Variants in CYP4F22 observed in about 807,000 individuals in gnomAD.
The protein encoded by CYP4F22 is ultra-long-chain fatty acid omega-hydroxylase.
A neutral mutation model predicts 60.4 loss-of-function variants in CYP4F22; 37 were observed. The ratio of observed to expected loss-of-function variants is 0.61; its 90% CI spans 0.47 to 0.81. The LOEUF is 0.81. Ranked by LOEUF, CYP4F22 falls within the 30% of genes least tolerant of loss-of-function variation. The pLI is 0.00. For synonymous variants in CYP4F22, 258 were observed against 280.5 expected (o/e 0.92, Z 0.80); for missense variants, 655 against 715.0 (o/e 0.92, Z 0.96).
chr19:15,537,619 A>C lies in CYP4F22; in HGVS notation c.506A>C (p.Lys169Thr). 1 of 1,614,068 alleles carries C rather than the reference A, an allele frequency of 6.2e-7. No individual in the cohort carries two copies. Among genetic ancestry groups the C allele is most frequent in the Non-Finnish European group, 8.5e-7 (1 of 1,180,040 alleles). Reference protein sequence around the residue: ...LTPAFHFDILKPYMKIFNQSA... With the variant: ...LTPAFHFDILTPYMKIFNQSA... The stretch of plus-strand genomic sequence containing the variant: ...CCCGCCTTCCACTTTGACATCCTGA[A>C]GCCTTACATGAAGATCTTCAACCAG... Residue 169 changes from lysine to threonine, a missense_variant, in exon 6 of 14, where the codon AAG becomes ACG. By Grantham distance (78) the Lys-to-Thr change is moderately conservative. This residue lies in a region of CYP4F22 where 430 missense variants were observed against 457.1 expected (regional missense o/e 0.94). Transcript: ENST00000269703.
chr19:15,545,640 C>T (rs1294723425), intron 10 of CYP4F22, among the ~76,000 whole-genome samples: 8 of 78,642 alleles, frequency 1.0e-4, no homozygotes, highest in African/African-American at 3.7e-4. Context: ...CAGAGTGAGA[C>T]CCTGTCTCAA....
At chr19:15,510,966 A>ATATATATATATATAT (rs34055543) in intron 1 of CYP4F22, among the ~76,000 whole-genome samples, 144 of 103,312 alleles carry the variant, frequency 1.4e-3, no homozygotes, top group African/African-American at 6.2e-3. Context: ...ATATATATAT[A>ATATATATATATATAT]TTTTTTTTTT....
At chr19:15,513,520 T>A (rs1228404266) in intron 1 of CYP4F22, among the ~76,000 whole-genome samples, 5 of 151,668 alleles carry the variant, frequency 3.3e-5, no homozygotes, top group East Asian at 1.9e-4. Context: ...GCCCGCCACC[T>A]CGCCCGGCTA....
intron 4 of CYP4F22, 107 bp from the exon 5 acceptor site, chr19:15,537,254 T>G: frequency 1.4e-6 from 2 of 1,438,328 alleles, no homozygotes; most frequent in Non-Finnish European, 1.9e-6. Context: ...TGAGTGGAGA[T>G]CGCACCACTG....
chr19:15,523,956 A>C (rs1161812356), intron 2 of CYP4F22, among the ~76,000 whole-genome samples, 157 bp downstream of exon 2: 1 of 151,974 alleles, frequency 6.6e-6, no homozygotes, highest in East Asian at 1.9e-4. Context: ...GCTACCCAGG[A>C]GGCTGAGACA....
chr19:15,522,554 T>C (rs1296208562), intron 1 of CYP4F22, among the ~76,000 whole-genome samples: 4 of 152,102 alleles, frequency 2.6e-5, no homozygotes, highest in Admixed American at 2.0e-4. Context: ...TGTGCACCTA[T>C]AGTCCCAGCT....
chr19:15,513,983 G>C (rs1971125278), intron 1 of CYP4F22, among the ~76,000 whole-genome samples: 1 of 152,162 alleles, frequency 6.6e-6, no homozygotes. Context: ...TGTAGTGAAA[G>C]CTAAGTCCTC....
chr19:15,537,678 T>C lies in CYP4F22; in HGVS notation c.549+16T>C. ...CATTATGCATGTGAGTCCTAAGGCT[T>C]TGAGGGAAGAGGGTGTCTTGGGAGT... On this transcript the variant is annotated intron_variant, in intron 6 of 13. Coordinates refer to ENST00000269703, the MANE Select transcript of CYP4F22 (RefSeq NM_173483.4). 1 of 1,610,640 alleles carries C rather than the reference T, an allele frequency of 6.2e-7. No individual in the cohort carries two copies.
intron 4 of CYP4F22, among the ~76,000 whole-genome samples, chr19:15,535,786 T>C (rs143921822): frequency 9.3e-4 from 141 of 152,342 alleles, no homozygotes; most frequent in Middle Eastern, 3.4e-3. Flanking sequence ...ATTCTTTCAT[T>C]CATCCATCCT....
At chr19:15,513,163 C>T (rs980686207) in intron 1 of CYP4F22, among the ~76,000 whole-genome samples, 1 of 151,844 alleles carries the variant, frequency 6.6e-6, no homozygotes, top group African/African-American at 2.4e-5. Context: ...AGCCTCAGTG[C>T]ACACACTTCT....
intron 3 of CYP4F22, among the ~76,000 whole-genome samples, chr19:15,529,085 A>G (rs921154698): frequency 1.3e-5 from 2 of 151,970 alleles, no homozygotes; most frequent in Non-Finnish European, 2.9e-5. Context: ...CTGTGACTAC[A>G]GGCATGTCCC....
Position 15,550,759 on chromosome 19 carries a change from A to C in CYP4F22, c.1418+3A>C, listed in dbSNP as rs1405649248. 6.2e-7 allele frequency: 1 copy of C among 1,614,152 alleles called. No homozygotes were observed. The highest frequency in any genetic ancestry group is 8.5e-7 in the Non-Finnish European group (1 of 1,179,996). On this transcript the variant is annotated splice_donor_region_variant and intron_variant, in intron 13 of 13. Transcript: ENST00000269703. ...GTGCCCTTCTCTGCAGGACCCAGGT[A>C]ACCCCTCTATTTCCCCTAGTCCAAG...
rs556353361 is a variant in CYP4F22, at chr19:15,551,309, G to C, written c.1434G>C (p.Gln478His). 11 of 1,612,964 alleles carry C rather than the reference G, an allele frequency of 6.8e-6. No individual in the cohort carries two copies. The highest frequency in any genetic ancestry group is 9.3e-6 in the Non-Finnish European group (11 of 1,179,590). The change falls in exon 14 of 14, where the codon CAG becomes CAC. Residue 478 changes from glutamine to histidine, a missense_variant. Around this residue, in one of 3 missense-constraint regions of CYP4F22, gnomAD observed 151 missense variants for 139.4 expected, o/e 1.08. Transcript: ENST00000269703. ...CTTCCTCCAGGAATTGCATCGGACA[G>C]AGCTTCGCCATGGCCGAGTTGCGCG... is the stretch of plus-strand genomic sequence containing the variant. ...FSAGPRNCIG[Q>H]SFAMAELRVV...
In CYP4F22 at chr19:15,530,094, C is replaced by T. The variant is rs191123111; in HGVS notation, c.367+241C>T. ...TGTCCATCCATCTGGCAGTCAGAGC[C>T]AGGCACGTTTGGATAGGCAGTTGTT... On this transcript the variant is annotated intron_variant, in intron 4 of 13. Transcript: ENST00000269703. Among the ~76,000 whole-genome samples the T allele has an allele frequency of 1.3e-3, 197 of 152,304 alleles. 3 individuals carry two copies. The highest frequency in any genetic ancestry group is 4.5e-3 in the African/African-American group (187 of 41,560).
rs142952717 is a variant in CYP4F22, at chr19:15,516,814, G to A, written c.-108-6879G>A. On this transcript the variant is annotated intron_variant, in intron 1 of 13. Transcript: ENST00000269703. ...ATCTCATGAGAGGTCCATGGGGTACGTGGCCTGAAGAGATGTTATTCTTTT... is the reference window on the plus strand; with the variant it reads ...ATCTCATGAGAGGTCCATGGGGTACATGGCCTGAAGAGATGTTATTCTTTT... The A allele has an allele frequency of 3.7e-4, 172 of 469,790 alleles. 1 individual carries two copies. In the Admixed American group the frequency reaches 6.7e-3, roughly 18 times the overall value. The allele number at this position is 469,790 out of a possible 1,614,324, so 29.1% of individuals were successfully genotyped here.
intron 1 of CYP4F22, among the ~76,000 whole-genome samples, chr19:15,512,625 T>G (rs900271968): frequency 2.0e-5 from 3 of 151,926 alleles, no homozygotes; most frequent in Non-Finnish European, 4.4e-5. Flanking sequence ...TGTTTTTTAG[T>G]AGAGACGGAG....
At chr19:15,537,474 G>T (rs377230723) in intron 5 of CYP4F22, 60 bp downstream of exon 5, 9 of 1,614,018 alleles carry the variant, frequency 5.6e-6, no homozygotes, top group Admixed American at 3.3e-5. Context: ...AAGAGCATGG[G>T]GTTCCTTGGA....
At chr19:15,523,651 T>C (rs1215503711) in intron 1 of CYP4F22, 42 bp from the exon 2 acceptor site, 2 of 152,224 alleles carry the variant, frequency 1.3e-5, no homozygotes, top group East Asian at 3.8e-4. Flanking sequence ...CACTGTTTTA[T>C]TAACATTATG....
chr19:15,533,494 A>G (rs1037300626), intron 4 of CYP4F22, among the ~76,000 whole-genome samples: 1 of 152,122 alleles, frequency 6.6e-6, no homozygotes, highest in Non-Finnish European at 1.5e-5. Flanking sequence ...TCATAGAAAG[A>G]GAACCACATA....
Sources: allele counts gnomAD v4.1 joint callset (sites outside exome capture counted in the v4.1 genomes callset), GRCh38; gene constraint gnomAD v4.1.1; regional missense constraint gnomAD v4.1.1; transcripts MANE v1.5; gene names NCBI Gene and HGNC (gene_info 2026-07-23, HGNC 2026-07-21).